The following DHX9 variants were observed in gnomAD, a reference collection of about 807,000 sequenced individuals.
The protein encoded by DHX9 is DExH-box helicase 9.
Under a neutral mutation model 148.7 loss-of-function variants are expected in DHX9, and 27 were observed. The ratio of observed to expected loss-of-function variants is 0.18; its 90% CI spans 0.13 to 0.25. The LOEUF (loss-of-function observed/expected upper bound fraction) is 0.25. DHX9 is among the 10% of genes least tolerant of loss of function. The probability of loss-of-function intolerance (pLI) is 1.00; values close to 1 mark genes in which losing one functional copy is unlikely to be tolerated. For missense variants in DHX9, 796 were observed against 1,559.6 expected (o/e 0.51, Z 8.25); for synonymous variants, 529 against 516.6 (o/e 1.02, Z -0.33).
At chr1:182,840,777 C>G (rs1383687365) in intron 1 of DHX9, among the ~76,000 whole-genome samples, 1 of 152,134 alleles carries the variant, frequency 6.6e-6, no homozygotes, top group African/African-American at 2.4e-5. Context: ...AAGGGTTCTA[C>G]AAGGGATAGC....
chr1:182,842,734 AAG>A, intron 2 of DHX9, 57 bp downstream of exon 2: 1 of 1,404,000 alleles, frequency 7.1e-7, no homozygotes. Flanking sequence ...TTGGGGTTAA[AAG>A]AAAAATGTTT....
At chr1:182,866,690 G>A in intron 13 of DHX9, 105 bp downstream of exon 13, 1 of 1,366,318 alleles carries the variant, frequency 7.3e-7, no homozygotes, top group Non-Finnish European at 1.0e-6. Flanking sequence ...GCCAGTCTCA[G>A]ATTTCTTGTT....
intron 19 of DHX9, chr1:182,877,344 A>G (rs1648856241): frequency 6.4e-6 from 1 of 155,840 alleles, no homozygotes; most frequent in African/African-American, 2.4e-5. Context: ...ACCAGGAGAC[A>G]TTCTGTGTAG....
intron 3 of DHX9, among the ~76,000 whole-genome samples, chr1:182,844,246 C>T (rs1173738244): frequency 1.3e-5 from 2 of 152,208 alleles, no homozygotes; most frequent in Non-Finnish European, 2.9e-5. Context: ...GCCACTGCAC[C>T]TGGCTGACAT....
intron 21 of DHX9, among the ~76,000 whole-genome samples, chr1:182,880,227 A>C (rs894073267): frequency 6.6e-6 from 1 of 152,174 alleles, no homozygotes; most frequent in Non-Finnish European, 1.5e-5. Flanking sequence ...CTGCTATTAT[A>C]GTTAATACTG....
intron 26 of DHX9, 82 bp downstream of exon 26, chr1:182,883,717 T>G: frequency 1.1e-6 from 1 of 924,912 alleles, no homozygotes; most frequent in Admixed American, 2.0e-5. Flanking sequence ...CTAACTTAAT[T>G]ATATACTAAT....
At chr1:182,852,485 C>T (rs749992982) in intron 4 of DHX9, 141 bp downstream of exon 4, 2 of 535,110 alleles carry the variant, frequency 3.7e-6, no homozygotes, top group Non-Finnish European at 6.5e-6. Context: ...CATAAATTTG[C>T]ACATATTACC....
At chr1:182,877,882 A>T (rs1007756638) in intron 19 of DHX9, 139 bp from the exon 20 acceptor site, 10 of 958,842 alleles carry the variant, frequency 1.0e-5, no homozygotes, top group Middle Eastern at 3.4e-4. Flanking sequence ...GCTGATTCTT[A>T]CTTGTGCCAT....
At position 182,876,196 on chromosome 1, in the gene DHX9, G is replaced by T; in HGVS notation, c.1962G>T (p.Leu654Phe). The T allele has an allele frequency of 6.2e-7, 1 of 1,613,882 alleles. No homozygotes were observed. The highest frequency in any genetic ancestry group is 8.5e-7 in the Non-Finnish European group (1 of 1,179,870). ...IETLNVPGAV[L>F]VFLPGWNLIY... is the part of the protein sequence containing the mutation. Reference sequence around the variant, plus strand: ...CCCTTAATGTTCCTGGAGCTGTGTTGGTTTTTTTGCCTGGCTGGAATCTGA... The same window carrying T: ...CCCTTAATGTTCCTGGAGCTGTGTTTGTTTTTTTGCCTGGCTGGAATCTGA... Residue 654 changes from leucine (L) to phenylalanine (F), a missense_variant, in exon 17 of 28, where the codon TTG (leucine) becomes TTT (phenylalanine). By Grantham distance (22) the Leu-to-Phe change is conservative. Transcript: ENST00000367549.
rs1223460120 is a variant in DHX9 at position 182,853,928 on chromosome 1, T to C, written c.478-102T>C. On this transcript the variant is annotated intron_variant, in intron 5 of 27. Coordinates refer to ENST00000367549, the MANE Select transcript of DHX9 (RefSeq NM_001357.5). ...ATTATAAACTATCAAAAACAGCTTT[T>C]GCATTATAAAGGATAGTACAAAGAC... 3 of 1,053,236 alleles carry C rather than the reference T, an allele frequency of 2.8e-6. No homozygotes were observed. In the African/African-American group the frequency reaches 4.8e-5, roughly 17 times the overall value. The allele number at this position is 1,053,236 out of a possible 1,614,324, so 65.2% of individuals were successfully genotyped here. A position where few individuals can be genotyped will look rare whatever the true frequency, so the allele number is the denominator to read the frequency against.
At chr1:182,862,356 C>T (rs965169810) in intron 12 of DHX9, among the ~76,000 whole-genome samples, 2 of 152,152 alleles carry the variant, frequency 1.3e-5, no homozygotes, top group Admixed American at 6.5e-5. Flanking sequence ...TTTTATCCTT[C>T]GGTCTATCCA....
chr1:182,870,957 C>T (rs1222931921), intron 14 of DHX9, among the ~76,000 whole-genome samples: 1 of 152,128 alleles, frequency 6.6e-6, no homozygotes, highest in Non-Finnish European at 1.5e-5. Flanking sequence ...ATACAGAGTA[C>T]ATCTCAATTC....
At chr1:182,843,256 C>G (rs1339998007) in intron 2 of DHX9, 38 bp from the exon 3 acceptor site, 34 of 1,494,854 alleles carry the variant, frequency 2.3e-5, no homozygotes, top group Non-Finnish European at 3.0e-5. Context: ...TCAGAATTAC[C>G]CAGGTCAGTC....
intron 21 of DHX9, 36 bp from the exon 22 acceptor site, chr1:182,880,461 A>C (rs1453451940): frequency 2.8e-6 from 4 of 1,405,012 alleles, no homozygotes; most frequent in Non-Finnish European, 4.0e-6. Context: ...ATTAGTGTTC[A>C]TTTGTTTCTG....
intron 14 of DHX9, among the ~76,000 whole-genome samples, chr1:182,870,492 TTA>T (rs1372889934): frequency 6.6e-6 from 1 of 152,188 alleles, no homozygotes; most frequent in Non-Finnish European, 1.5e-5. Context: ...ACATTGTATG[TTA>T]TATGTTACAT....
At chr1:182,884,934 A>C in intron 27 of DHX9, 121 bp downstream of exon 27, 1 of 819,746 alleles carries the variant, frequency 1.2e-6, no homozygotes, top group East Asian at 2.6e-5. Flanking sequence ...ATATAGATAG[A>C]GCTATATAGA....
In DHX9 at chr1:182,878,063, C is replaced by T. The variant is rs1243967687; in HGVS notation, c.2241C>T (p.Asn747=). The T allele has an allele frequency of 1.2e-6, 2 of 1,614,232 alleles. No homozygotes were observed. The highest frequency in any genetic ancestry group is 1.7e-5 in the Admixed American group (1 of 60,020). ...KLFTAHNNMT[N]YATVWASKTN... is the part of the protein sequence containing the mutation. ...TCACTGCTCACAACAATATGACCAA[C>T]TATGCTACCGTATGGGCATCAAAAA... Residue 747 remains asparagine, a synonymous_variant, in exon 20 of 28, where the codon AAC becomes AAT. Coordinates refer to ENST00000367549, the MANE Select transcript of DHX9 (RefSeq NM_001357.5).
chr1:182,875,787 TGA>T (rs1329375230), intron 16 of DHX9, among the ~76,000 whole-genome samples: 2 of 152,198 alleles, frequency 1.3e-5, no homozygotes, highest in Non-Finnish European at 2.9e-5. Flanking sequence ...GAAGGCTCCA[TGA>T]GAGTTTTGAG....
At chr1:182,844,345 G>C (rs1233979617) in intron 3 of DHX9, among the ~76,000 whole-genome samples, 1 of 152,176 alleles carries the variant, frequency 6.6e-6, no homozygotes, top group African/African-American at 2.4e-5. Flanking sequence ...ACGTAAGTAT[G>C]CAACAAATAC....
Sources: allele counts gnomAD v4.1 joint callset (sites outside exome capture counted in the v4.1 genomes callset), GRCh38; gene constraint gnomAD v4.1.1; transcripts MANE v1.5; gene names NCBI Gene and HGNC (gene_info 2026-07-23, HGNC 2026-07-21).